VWC2L: variants seen among roughly 807,000 people sequenced by gnomAD.
VWC2L encodes the protein von Willebrand factor C domain containing 2 like.
VWC2L carries 10 observed loss-of-function variants against 21.6 expected under a neutral mutation model. The ratio of observed to expected loss-of-function variants is 0.46; its 90% CI spans 0.29 to 0.78. VWC2L has a LOEUF of 0.78. Ranked by LOEUF, VWC2L falls within the 30% of genes least tolerant of loss-of-function variation. The pLI is 0.10. For synonymous variants in VWC2L, 96 were observed against 94.3 expected (o/e 1.02, Z -0.10); for missense variants, 209 against 277.1 (o/e 0.75, Z 1.74).
intron 3 of VWC2L, among the ~76,000 whole-genome samples, chr2:214,501,087 T>C (rs1219720879): frequency 6.6e-6 from 1 of 152,050 alleles, no homozygotes; most frequent in Non-Finnish European, 1.5e-5. Context: ...GAGGGTGTGG[T>C]TTCAGGTTTA....
chr2:214,453,864 G>A (rs1418780272), intron 3 of VWC2L, among the ~76,000 whole-genome samples: 1 of 151,766 alleles, frequency 6.6e-6, no homozygotes, highest in Non-Finnish European at 1.5e-5. Flanking sequence ...AAGATTACAG[G>A]CGTGTGCTGC....
intron 3 of VWC2L, among the ~76,000 whole-genome samples, chr2:214,547,621 C>G (rs1323205281): frequency 1.3e-5 from 2 of 152,090 alleles, no homozygotes; most frequent in African/African-American, 4.8e-5. Flanking sequence ...TATTCAAGAT[C>G]ATTATAGAGC....
At position 214,546,394 on chromosome 2, in the gene VWC2L, A is replaced by G. The variant is rs147834451; in HGVS notation, c.521-29278A>G. On this transcript the variant is annotated intron_variant, in intron 3 of 3. Transcript: ENST00000312504. The stretch of plus-strand genomic sequence containing the variant: ...TTTAGCTTCTCCTAGATTCTCCTGA[A>G]TGCTAATGTTTTCCTTCCCTTCTCA... 2.4e-3 allele frequency among the ~76,000 whole-genome samples: 372 copies of G among 152,234 alleles called. 2 individuals are homozygous for G. The highest frequency in any genetic ancestry group is 8.2e-3 in the African/African-American group (340 of 41,550).
intron 3 of VWC2L, among the ~76,000 whole-genome samples, chr2:214,509,514 G>A (rs182110426): frequency 1.3e-5 from 2 of 152,114 alleles, no homozygotes; most frequent in Admixed American, 6.5e-5. Flanking sequence ...CTGGGAGGTG[G>A]AAGCCTTGAC....
At chr2:214,536,059 T>C (rs1689523691) in intron 3 of VWC2L, among the ~76,000 whole-genome samples, 1 of 152,084 alleles carries the variant, frequency 6.6e-6, no homozygotes, top group Admixed American at 6.6e-5. Context: ...TTCTTATCCA[T>C]CCATTACACT....
At chr2:214,468,635 GA>G (rs918177571) in intron 3 of VWC2L, among the ~76,000 whole-genome samples, 1,794 of 148,404 alleles carry the variant, frequency 0.012, 31 homozygotes, top group African/African-American at 0.041. Context: ...GCAATAAAAT[GA>G]AAAAAAAAAT....
chr2:214,460,953 G>A (rs1400633438), intron 3 of VWC2L, among the ~76,000 whole-genome samples: 2 of 152,100 alleles, frequency 1.3e-5, no homozygotes, highest in Non-Finnish European at 2.9e-5. Context: ...GTATTGTCTG[G>A]GTAGGAAATG....
chr2:214,567,547 T>TACAC (rs71409879), intron 3 of VWC2L, among the ~76,000 whole-genome samples: 38 of 119,894 alleles, frequency 3.2e-4, no homozygotes, highest in African/African-American at 1.3e-3. Flanking sequence ...TTCATCCACA[T>TACAC]ACACACACAC....
chr2:214,414,299 C>A lies in VWC2L; in HGVS notation c.106C>A (p.Gln36Lys). The change falls in exon 2 of 4, where the codon CAG becomes AAG. Residue 36 changes from glutamine (Q) to lysine (K), a missense_variant. By Grantham distance (53) the Gln-to-Lys change is moderately conservative (BLOSUM62 1). Transcript: ENST00000312504. ...HEDYPADEGD[Q>K]ISSNDNLIFD... is the part of the protein sequence containing the mutation. ...AGACTATCCTGCTGATGAAGGTGAC[C>A]AGATCTCCAGTAATGACAATCTGAT... 1 of 1,613,720 alleles carries A rather than the reference C, an allele frequency of 6.2e-7. No homozygotes were observed.
At chr2:214,454,842 T>C (rs951546767) in intron 3 of VWC2L, among the ~76,000 whole-genome samples, 3 of 152,054 alleles carry the variant, frequency 2.0e-5, no homozygotes, top group Non-Finnish European at 4.4e-5. Flanking sequence ...GACCTTATGA[T>C]CTGCCTGCCT....
chr2:214,457,459 C>T (rs1247380575), intron 3 of VWC2L, among the ~76,000 whole-genome samples: 3 of 151,978 alleles, frequency 2.0e-5, no homozygotes, highest in East Asian at 3.8e-4. Flanking sequence ...TTGACTCTCC[C>T]GTATCCAATT....
intron 3 of VWC2L, among the ~76,000 whole-genome samples, chr2:214,545,999 C>T (rs1689700770): frequency 6.6e-6 from 1 of 152,190 alleles, no homozygotes; most frequent in South Asian, 2.1e-4. Flanking sequence ...ATCCAACCTC[C>T]TATCACCTCC....
intron 3 of VWC2L, among the ~76,000 whole-genome samples, chr2:214,539,819 T>G (rs1689599794): frequency 6.6e-6 from 1 of 152,182 alleles, no homozygotes; most frequent in South Asian, 2.1e-4. Context: ...TACATTGTAT[T>G]AAACAAATTA....
intron 2 of VWC2L, among the ~76,000 whole-genome samples, chr2:214,433,174 A>ATGTATG (rs1702628402): frequency 2.1e-5 from 3 of 146,312 alleles, no homozygotes; most frequent in African/African-American, 7.5e-5. Context: ...ATATATATAT[A>ATGTATG]TATATATATT....
chr2:214,566,342 T>C (rs1690061812), intron 3 of VWC2L, among the ~76,000 whole-genome samples: 1 of 152,286 alleles, frequency 6.6e-6, no homozygotes, highest in East Asian at 1.9e-4. Context: ...TTACTTCTAT[T>C]GTGCAGCTTG....
intron 3 of VWC2L, among the ~76,000 whole-genome samples, chr2:214,532,166 A>T (rs1345714057): frequency 6.6e-6 from 1 of 152,154 alleles, no homozygotes; most frequent in Non-Finnish European, 1.5e-5. Context: ...CCCACTTCTG[A>T]TCACATAGGA....
At chr2:214,511,104 T>C (rs1689044389) in intron 3 of VWC2L, among the ~76,000 whole-genome samples, 1 of 151,902 alleles carries the variant, frequency 6.6e-6, no homozygotes. Flanking sequence ...CCAGGCAAGA[T>C]GGAGAGACCC....
chr2:214,479,311 A>C (rs2126196249), intron 3 of VWC2L, among the ~76,000 whole-genome samples: 1 of 152,296 alleles, frequency 6.6e-6, no homozygotes, highest in Middle Eastern at 3.4e-3. Context: ...TGATAGTCAT[A>C]GTGTTTATCT....
At chr2:214,424,799 T>G (rs1702497716) in intron 2 of VWC2L, among the ~76,000 whole-genome samples, 1 of 152,236 alleles carries the variant, frequency 6.6e-6, no homozygotes, top group Non-Finnish European at 1.5e-5. Flanking sequence ...GAAAATCTAT[T>G]TTTTCTCAGC....
Sources: gnomAD v4.1 joint callset for allele counts (sites outside exome capture counted in the v4.1 genomes callset) on GRCh38, gnomAD v4.1.1 for gene constraint, MANE v1.5 for transcripts, NCBI Gene and HGNC (gene_info 2026-07-23, HGNC 2026-07-21) for gene names.